The following PATL1 variants were observed in gnomAD, a reference collection of about 807,000 sequenced individuals.
The protein encoded by PATL1 is protein PAT1 homolog 1.
PATL1 carries 32 observed loss-of-function variants against 100.6 expected under a neutral mutation model. The observed-to-expected ratio is 0.32, with a 90% CI of 0.24 to 0.43. The LOEUF is 0.43. PATL1 is among the 20% of genes least tolerant of loss of function. The probability of loss-of-function intolerance (pLI) is 1.00; values close to 1 mark genes in which losing one functional copy is unlikely to be tolerated. For missense variants in PATL1, 747 were observed against 949.9 expected (o/e 0.79, Z 2.81); for synonymous variants, 332 against 330.0 (o/e 1.01, Z -0.07).
At chr11:59,652,659 A>C in intron 10 of PATL1, 72 bp from the exon 11 acceptor site, 1 of 1,577,018 alleles carries the variant, frequency 6.3e-7, no homozygotes, top group Non-Finnish European at 8.6e-7. Context: ...CAAATAATTT[A>C]TGCCAGTGAC....
chr11:59,660,723 G>A (rs1343571562), intron 2 of PATL1, among the ~76,000 whole-genome samples: 1 of 152,198 alleles, frequency 6.6e-6, no homozygotes, highest in Non-Finnish European at 1.5e-5. Flanking sequence ...TGATTGAAAT[G>A]GGAAGCCAAT....
At position 59,650,768 on chromosome 11, in the gene PATL1, CA is replaced by C; in HGVS notation, c.1569del (p.Val524LeufsTer2). 1.3e-6 allele frequency: 2 copies of C among 1,555,974 alleles called. No individual in the cohort carries two copies. The highest frequency in any genetic ancestry group is 1.7e-6 in the Non-Finnish European group (2 of 1,148,424). On this transcript the variant is annotated frameshift_variant, in exon 13 of 19. Transcript: ENST00000300146. LOFTEE classifies it high-confidence loss of function. ...TCTAAACTTACTTTCTCAATTATAA[CA>C]AGGGTTTTTCTCCTCTTGTCTCGAA... is the stretch of plus-strand genomic sequence containing the variant. Reference protein sequence around the residue: ...KQVRDKRRKTLVIIEKTYSLL... With the variant: ...KQVRDKRRKTXVIIEKTYSLL...
At chr11:59,642,429 C>T (rs1291889676) in intron 16 of PATL1, among the ~76,000 whole-genome samples, 1 of 152,154 alleles carries the variant, frequency 6.6e-6, no homozygotes, top group East Asian at 1.9e-4. Context: ...AATGTCCTGG[C>T]TATTAACAGT....
At chr11:59,664,513 T>C (rs569320834) in intron 2 of PATL1, among the ~76,000 whole-genome samples, 2 of 152,378 alleles carry the variant, frequency 1.3e-5, no homozygotes, top group East Asian at 1.9e-4. Flanking sequence ...AGTATTTTAA[T>C]AGAAAAAGAG....
chr11:59,661,792 A>G (rs1471540371), intron 2 of PATL1, among the ~76,000 whole-genome samples: 1 of 152,236 alleles, frequency 6.6e-6, no homozygotes, highest in Non-Finnish European at 1.5e-5. Flanking sequence ...TATTTAAGCA[A>G]TATGTCTTGG....
chr11:59,658,901 C>G lies in PATL1; in HGVS notation c.391G>C (p.Val131Leu). ...LNSSIWDGSE[V>L]LRRIRGPLLA... ...AGTGGTCCTCGGATTCGCCTCAGAA[C>G]TTCAGATCCATCCCAGATACTGGAA... The change falls in exon 4 of 19, where the codon GTT (valine) becomes CTT (leucine). Residue 131 changes from valine to leucine, a missense_variant. Val to Leu is a conservative substitution (Grantham distance 32). Coordinates refer to ENST00000300146, the MANE Select transcript of PATL1 (RefSeq NM_152716.3). The G allele has an allele frequency of 6.5e-7, 1 of 1,550,210 alleles. No homozygotes were observed. The highest frequency in any genetic ancestry group is 8.7e-7 in the Non-Finnish European group (1 of 1,146,704).
intron 2 of PATL1, 45 bp downstream of exon 2, chr11:59,666,808 G>C (rs1434961853): frequency 1.3e-6 from 2 of 1,531,638 alleles, no homozygotes; most frequent in Non-Finnish European, 8.8e-7. Context: ...CACTTGAAAA[G>C]AGCAGGAGGC....
chr11:59,659,592 C>T (rs1861600414), intron 2 of PATL1, 123 bp from the exon 3 acceptor site: 4 of 892,926 alleles, frequency 4.5e-6, no homozygotes, highest in Admixed American at 2.7e-5. Context: ...AGTGCAGTGG[C>T]GTGATCTCGG....
chr11:59,668,838 C>G (rs1861734860), intron 1 of PATL1, 43 bp downstream of exon 1: 1 of 1,013,260 alleles, frequency 9.9e-7, no homozygotes, highest in Admixed American at 2.6e-5. Context: ...GGGAGAGGGG[C>G]GCGGGAGGGA....
At chr11:59,641,825 A>G (rs1282890680) in intron 16 of PATL1, among the ~76,000 whole-genome samples, 1 of 152,176 alleles carries the variant, frequency 6.6e-6, no homozygotes, top group Non-Finnish European at 1.5e-5. Context: ...TAAAACTAAG[A>G]GACCAAATAA....
intron 4 of PATL1, among the ~76,000 whole-genome samples, chr11:59,658,322 T>G (rs538238220): frequency 8.8e-5 from 12 of 136,414 alleles, no homozygotes; most frequent in Admixed American, 2.9e-4. Flanking sequence ...TAGAAATGAG[T>G]TTTTTTTTTT....
intron 6 of PATL1, 65 bp from the exon 7 acceptor site, chr11:59,656,110 A>T: frequency 1.0e-6 from 1 of 955,002 alleles, no homozygotes; most frequent in Non-Finnish European, 1.5e-6. Context: ...CATAATAAGG[A>T]AACTCAGCAG....
intron 18 of PATL1, among the ~76,000 whole-genome samples, 153 bp downstream of exon 18, chr11:59,638,895 C>T (rs1029856164): frequency 1.3e-5 from 2 of 152,076 alleles, no homozygotes; most frequent in Non-Finnish European, 2.9e-5. Flanking sequence ...TTTGGTCAGG[C>T]TGGTCTGGAA....
At chr11:59,643,266 A>C (rs1223652762) in intron 15 of PATL1, among the ~76,000 whole-genome samples, 2 of 152,070 alleles carry the variant, frequency 1.3e-5, no homozygotes, top group Non-Finnish European at 2.9e-5. Flanking sequence ...TGTAAAAAAA[A>C]ATCACTCCCA....
At position 59,638,415 on chromosome 11, in the gene PATL1, G is replaced by C. The variant is rs1861223529; in HGVS notation, c.2292-4C>G. 2 of 1,610,678 alleles carry C rather than the reference G, an allele frequency of 1.2e-6. No homozygotes were observed. The highest frequency in any genetic ancestry group is 1.7e-6 in the Non-Finnish European group (2 of 1,177,592). The stretch of plus-strand genomic sequence containing the variant: ...TTATCGTATCCCCTGAACTAGCCTA[G>C]GAGTACAAAGGAGAGAAAGGAAAAT... On this transcript the variant is annotated splice_polypyrimidine_tract_variant and splice_region_variant and intron_variant, in intron 18 of 18. Transcript: ENST00000300146.
At chr11:59,666,054 G>A (rs1422260550) in intron 2 of PATL1, among the ~76,000 whole-genome samples, 2 of 152,092 alleles carry the variant, frequency 1.3e-5, no homozygotes, top group Non-Finnish European at 2.9e-5. Context: ...TTGGGAGGCC[G>A]AGATGGGCGG....
chr11:59,655,590 G>A lies in PATL1; in HGVS notation c.964C>T (p.Pro322Ser), dbSNP rs776265775. 2 of 1,591,314 alleles carry A rather than the reference G, an allele frequency of 1.3e-6. No homozygotes were observed. Among genetic ancestry groups the A allele is most frequent in the Non-Finnish European group, 1.7e-6 (2 of 1,168,638 alleles). ...APGFRAFFSA[P>S]PSATPPPQQH... ...TGTGGAGGTGGTGTAGCGGAGGGTG[G>A]AGCACTAAAGAAGGCACGGAAGCCT... The change falls in exon 8 of 19, where the codon CCA becomes TCA. Residue 322 changes from proline to serine, a missense_variant. Coordinates refer to ENST00000300146, the MANE Select transcript of PATL1 (RefSeq NM_152716.3).
At position 59,650,770 on chromosome 11, in the gene PATL1, A is replaced by C. The variant is rs1861432410; in HGVS notation, c.1568T>G (p.Leu523Arg). ...TAAACTTACTTTCTCAATTATAACA[A>C]GGGTTTTTCTCCTCTTGTCTCGAAC... ...KQVRDKRRKT[L>R]VIIEKTYSLL... The change falls in exon 13 of 19, where the codon CTT becomes CGT. Residue 523 changes from leucine (L) to arginine (R), a missense_variant. Leu to Arg is a moderately radical substitution (Grantham distance 102). Coordinates refer to ENST00000300146, the MANE Select transcript of PATL1 (RefSeq NM_152716.3). 6.4e-7 allele frequency: 1 copy of C among 1,556,750 alleles called. No individual in the cohort carries two copies. Among genetic ancestry groups the C allele is most frequent in the African/African-American group, 1.4e-5 (1 of 73,834 alleles).
intron 2 of PATL1, 65 bp from the exon 3 acceptor site, chr11:59,659,534 A>AT: frequency 5.2e-6 from 7 of 1,355,242 alleles, no homozygotes; most frequent in Non-Finnish European, 6.0e-6. Flanking sequence ...TTACACAATT[A>AT]TTGTTTTTTT....
Sources: allele counts gnomAD v4.1 joint callset (sites outside exome capture counted in the v4.1 genomes callset), GRCh38; gene constraint gnomAD v4.1.1; transcripts MANE v1.5; gene names NCBI Gene and HGNC (gene_info 2026-07-23, HGNC 2026-07-21).